The following SLC35F1 variants were observed in gnomAD, a reference collection of about 807,000 sequenced individuals.
SLC35F1 encodes solute carrier family 35 member F1, also known as chromosome 6 open reading frame 169.
A neutral mutation model predicts 48.7 loss-of-function variants in SLC35F1; 14 were observed. The ratio of observed to expected loss-of-function variants is 0.29; its 90% CI spans 0.19 to 0.45. The LOEUF is 0.45. Ranked by LOEUF, SLC35F1 falls within the 20% of genes least tolerant of loss-of-function variation. The probability of loss-of-function intolerance (pLI) is 1.00; values close to 1 mark genes in which losing one functional copy is unlikely to be tolerated. For missense variants in SLC35F1, 404 were observed against 500.0 expected, an observed-to-expected ratio of 0.81 and a Z score of 1.83; for synonymous variants, 190 against 202.2, an observed-to-expected ratio of 0.94 and a Z score of 0.51.
intron 1 of SLC35F1, among the ~76,000 whole-genome samples, chr6:117,961,440 C>T (rs1308032137): frequency 6.6e-6 from 1 of 152,106 alleles, no homozygotes; most frequent in Admixed American, 6.6e-5. Context: ...GCAGTCTGGA[C>T]AAAGGACTGA....
At chr6:118,239,332 A>G (rs1369195831) in intron 3 of SLC35F1, among the ~76,000 whole-genome samples, 1 of 151,004 alleles carries the variant, frequency 6.6e-6, no homozygotes, top group Non-Finnish European at 1.5e-5. Flanking sequence ...TCCTTTATCT[A>G]TATTTAGAGG....
intron 3 of SLC35F1, among the ~76,000 whole-genome samples, chr6:118,243,125 C>T (rs1272459529): frequency 6.6e-6 from 1 of 152,202 alleles, no homozygotes; most frequent in African/African-American, 2.4e-5. Context: ...GCGTATAAAA[C>T]ATATGCCTGC....
At chr6:118,161,451 C>T (rs1774233503) in intron 2 of SLC35F1, among the ~76,000 whole-genome samples, 1 of 152,106 alleles carries the variant, frequency 6.6e-6, no homozygotes, top group Non-Finnish European at 1.5e-5. Flanking sequence ...AGCATGTGGG[C>T]ATAATGAGAA....
At chr6:118,096,480 T>G (rs1420927526) in intron 1 of SLC35F1, among the ~76,000 whole-genome samples, 1 of 152,238 alleles carries the variant, frequency 6.6e-6, no homozygotes, top group African/African-American at 2.4e-5. Context: ...TTCTCTTGGC[T>G]GAGTTTCTAG....
chr6:118,146,162 T>C (rs772074068), intron 1 of SLC35F1, among the ~76,000 whole-genome samples: 40 of 152,174 alleles, frequency 2.6e-4, no homozygotes, highest in Non-Finnish European at 5.6e-4. Flanking sequence ...CAGAAAGAGA[T>C]ATCTGGTCTT....
intron 2 of SLC35F1, among the ~76,000 whole-genome samples, chr6:118,213,502 T>A (rs1775034632): frequency 6.6e-6 from 1 of 152,180 alleles, no homozygotes; most frequent in African/African-American, 2.4e-5. Flanking sequence ...TACTGGTAAG[T>A]TTTACACAGG....
At chr6:118,111,197 T>C (rs758743427) in intron 1 of SLC35F1, among the ~76,000 whole-genome samples, 1 of 152,018 alleles carries the variant, frequency 6.6e-6, no homozygotes, top group Non-Finnish European at 1.5e-5. Flanking sequence ...GGCTGAGTAT[T>C]TTTCAAAATA....
At chr6:118,174,365 A>G (rs1312434227) in intron 2 of SLC35F1, among the ~76,000 whole-genome samples, 1 of 152,166 alleles carries the variant, frequency 6.6e-6, no homozygotes, top group Non-Finnish European at 1.5e-5. Context: ...ACGAGAGATC[A>G]GGCACCTATT....
At chr6:118,045,724 C>G (rs1430669797) in intron 1 of SLC35F1, among the ~76,000 whole-genome samples, 1 of 152,178 alleles carries the variant, frequency 6.6e-6, no homozygotes, top group African/African-American at 2.4e-5. Context: ...TTAGATAGAT[C>G]ACCTTTTATA....
At position 117,923,694 on chromosome 6, in the gene SLC35F1, C is replaced by CATATACACATATACATATGTAT. The variant is rs1562238806; in HGVS notation, c.173+15802_173+15803insCATATACATATGTATATATACA. Among the ~76,000 whole-genome samples, 4 of 13,506 alleles carry CATATACACATATACATATGTAT rather than the reference C, an allele frequency of 3.0e-4. 1 individual carries two copies. Among genetic ancestry groups the CATATACACATATACATATGTAT allele is most frequent in the African/African-American group, 2.7e-3 (4 of 1,488 alleles). 8.9% of individuals were successfully genotyped at this position (13,506 alleles called of 152,430 possible). On this transcript the variant is annotated intron_variant, in intron 1 of 7. Coordinates refer to ENST00000360388, the MANE Select transcript of SLC35F1 (RefSeq NM_001029858.4). ...ATATATGTACATATATACATATGTACATATACATATATGTACATATATACA... is the reference window on the plus strand; with the variant it reads ...ATATATGTACATATATACATATGTACATATACACATATACATATGTATATATACATATATGTACATATATACA...
intron 2 of SLC35F1, among the ~76,000 whole-genome samples, chr6:118,173,969 T>A (rs1774449338): frequency 6.6e-6 from 1 of 152,220 alleles, no homozygotes; most frequent in Non-Finnish European, 1.5e-5. Flanking sequence ...GAGTAAGTAC[T>A]GATTCTGCTC....
At chr6:118,226,618 T>C (rs1037157882) in intron 2 of SLC35F1, among the ~76,000 whole-genome samples, 22 of 152,088 alleles carry the variant, frequency 1.4e-4, no homozygotes, top group African/African-American at 5.3e-4. Context: ...GAAAGACAAA[T>C]ATTGCATGTT....
chr6:117,983,497 A>G (rs1489056364), intron 1 of SLC35F1, among the ~76,000 whole-genome samples: 1 of 152,146 alleles, frequency 6.6e-6, no homozygotes, highest in Non-Finnish European at 1.5e-5. Context: ...GAATCACTTG[A>G]ACCCAGGAGG....
chr6:118,234,490 TC>T (rs1775336684), intron 2 of SLC35F1, among the ~76,000 whole-genome samples: 1 of 152,102 alleles, frequency 6.6e-6, no homozygotes, highest in Non-Finnish European at 1.5e-5. Flanking sequence ...TGGAAGCAGG[TC>T]CCTCCCCAGT....
intron 2 of SLC35F1, among the ~76,000 whole-genome samples, chr6:118,186,940 T>G (rs1774664183): frequency 6.6e-6 from 1 of 152,234 alleles, no homozygotes; most frequent in Non-Finnish European, 1.5e-5. Context: ...ATAAATTTTC[T>G]ATAGACTCCC....
At chr6:118,076,301 G>A (rs2114310590) in intron 1 of SLC35F1, among the ~76,000 whole-genome samples, 1 of 152,192 alleles carries the variant, frequency 6.6e-6, no homozygotes, top group Middle Eastern at 3.4e-3. Context: ...TTATGAGGTG[G>A]GAAGTTTTAT....
In SLC35F1 at chr6:117,923,701, A is replaced by ACATATACATATG. The variant is rs1562238819; in HGVS notation, c.173+15802_173+15803insCATATACATATG. ...TACATATATACATATGTACATATAC[A>ACATATACATATG]TATATGTACATATATACATATATAC... is the stretch of plus-strand genomic sequence containing the variant. On this transcript the variant is annotated intron_variant, in intron 1 of 7. Transcript: ENST00000360388. Among the ~76,000 whole-genome samples the ACATATACATATG allele has an allele frequency of 1.2e-3, 21 of 17,500 alleles. 4 individuals carry two copies. Among genetic ancestry groups the ACATATACATATG allele is most frequent in the African/African-American group, 3.9e-3 (21 of 5,388 alleles). 11.5% of individuals were successfully genotyped at this position (17,500 alleles called of 152,430 possible).
intron 2 of SLC35F1, among the ~76,000 whole-genome samples, chr6:118,223,259 C>G (rs774782316): frequency 6.6e-5 from 10 of 152,198 alleles, no homozygotes; most frequent in Non-Finnish European, 1.3e-4. Context: ...ATAACTTAAC[C>G]TCTTCCACAT....
chr6:118,192,585 G>C (rs1031511627), intron 2 of SLC35F1, among the ~76,000 whole-genome samples: 1 of 152,014 alleles, frequency 6.6e-6, no homozygotes, highest in Non-Finnish European at 1.5e-5. Context: ...AAGGAAATTT[G>C]GTTATTTCTG....
Sources: gnomAD v4.1 joint callset for allele counts (sites outside exome capture counted in the v4.1 genomes callset) on GRCh38, gnomAD v4.1.1 for gene constraint, MANE v1.5 for transcripts, NCBI Gene and HGNC (gene_info 2026-07-23, HGNC 2026-07-21) for gene names.